ATP8B4: variants seen among roughly 807,000 people sequenced by gnomAD.
ATP8B4 encodes the protein ATPase phospholipid transporting 8B4 (putative).
Under a neutral mutation model 145.6 loss-of-function variants are expected in ATP8B4, and 133 were observed. The observed-to-expected ratio is 0.91, with a 90% CI of 0.79 to 1.05. The LOEUF (loss-of-function observed/expected upper bound fraction) is 1.05. ATP8B4 is among the 50% of genes least tolerant of loss of function. The pLI, the probability that ATP8B4 is intolerant of heterozygous loss-of-function variation, is 0.00. For synonymous variants in ATP8B4, 507 were observed against 492.9 expected, an observed-to-expected ratio of 1.03 and a Z score of -0.38; for missense variants, 1,458 against 1,425.2, an observed-to-expected ratio of 1.02 and a Z score of -0.37.
At chr15:49,890,904 T>A (rs1222747759) in intron 23 of ATP8B4, among the ~76,000 whole-genome samples, 1 of 152,206 alleles carries the variant, frequency 6.6e-6, no homozygotes, top group African/African-American at 2.4e-5. Flanking sequence ...GTTTCCAGCT[T>A]TACAGTGGTA....
At chr15:50,007,296 C>G (rs1039359323) in intron 7 of ATP8B4, among the ~76,000 whole-genome samples, 2 of 152,160 alleles carry the variant, frequency 1.3e-5, no homozygotes, top group South Asian at 2.1e-4. Flanking sequence ...CACTTGGCTT[C>G]CAGCATCCAA....
At chr15:50,047,921 T>A (rs2051849816) in intron 3 of ATP8B4, among the ~76,000 whole-genome samples, 1 of 152,220 alleles carries the variant, frequency 6.6e-6, no homozygotes, top group Admixed American at 6.5e-5. Context: ...GGAAACTGAC[T>A]GCCTCGCAAG....
At chr15:49,928,730 A>G (rs890896690) in intron 16 of ATP8B4, among the ~76,000 whole-genome samples, 2 of 152,122 alleles carry the variant, frequency 1.3e-5, no homozygotes, top group African/African-American at 4.8e-5. Context: ...AAAAGCTTTC[A>G]TGATTAAAAA....
chr15:50,141,216 C>T (rs2044204343), intron 1 of ATP8B4, among the ~76,000 whole-genome samples: 1 of 152,102 alleles, frequency 6.6e-6, no homozygotes, highest in South Asian at 2.1e-4. Context: ...TCCTGTTTGG[C>T]TGCCCCTACA....
At chr15:49,992,573 C>T (rs1383553421) in intron 9 of ATP8B4, among the ~76,000 whole-genome samples, 1 of 152,148 alleles carries the variant, frequency 6.6e-6, no homozygotes, top group East Asian at 1.9e-4. Context: ...TCAGTTCTGA[C>T]CCTATGTGTC....
At chr15:50,058,642 C>A (rs2052777288) in intron 3 of ATP8B4, among the ~76,000 whole-genome samples, 1 of 152,138 alleles carries the variant, frequency 6.6e-6, no homozygotes, top group Non-Finnish European at 1.5e-5. Context: ...TCTCCTGAAC[C>A]TCTAAGGATC....
rs140487871 is a variant in ATP8B4, at chr15:50,082,839, C to A, written c.29-8654G>T. Among the ~76,000 whole-genome samples the A allele has an allele frequency of 2.0e-3, 300 of 152,294 alleles. 2 individuals are homozygous for A. Among genetic ancestry groups the A allele is most frequent in the Middle Eastern group, 0.017 (5 of 294 alleles). On this transcript the variant is annotated intron_variant, in intron 2 of 27. Coordinates refer to ENST00000284509, the MANE Select transcript of ATP8B4 (RefSeq NM_024837.4). ...TTATTTTATTAATCCTCAGAACAATCCCATTAGGTACATGCTGTTATCAGC... is the reference window on the plus strand; with the variant it reads ...TTATTTTATTAATCCTCAGAACAATACCATTAGGTACATGCTGTTATCAGC...
At chr15:50,046,819 T>G (rs1202226027) in intron 4 of ATP8B4, among the ~76,000 whole-genome samples, 1 of 152,234 alleles carries the variant, frequency 6.6e-6, no homozygotes, top group African/African-American at 2.4e-5. Flanking sequence ...AGGCAAATTT[T>G]AGTTAGGAGA....
At chr15:50,105,100 G>C (rs112144753) in intron 2 of ATP8B4, among the ~76,000 whole-genome samples, 12,646 of 152,056 alleles carry the variant, frequency 0.083, 633 homozygotes, top group Middle Eastern at 0.15. Flanking sequence ...GGACTTGGGG[G>C]AAAGGGTGGC....
intron 23 of ATP8B4, among the ~76,000 whole-genome samples, chr15:49,881,425 A>G (rs1422291466): frequency 2.0e-5 from 3 of 152,208 alleles, no homozygotes; most frequent in Non-Finnish European, 4.4e-5. Flanking sequence ...CTGGCTCACA[A>G]AATTCATGAA....
intron 23 of ATP8B4, 114 bp from the exon 24 acceptor site, chr15:49,879,573 C>A: frequency 3.6e-6 from 3 of 844,278 alleles, no homozygotes; most frequent in Non-Finnish European, 5.5e-6. Flanking sequence ...CTTTTGGAAT[C>A]AGACAAATAT....
At chr15:50,113,534 G>C (rs980229199) in intron 1 of ATP8B4, among the ~76,000 whole-genome samples, 1 of 152,086 alleles carries the variant, frequency 6.6e-6, no homozygotes. Flanking sequence ...ACGTATGGGT[G>C]TGTGTAAAAG....
intron 14 of ATP8B4, among the ~76,000 whole-genome samples, chr15:49,950,927 T>G (rs542182640): frequency 2.6e-5 from 4 of 152,322 alleles, no homozygotes; most frequent in Admixed American, 2.0e-4. Context: ...TTCAAAGAAC[T>G]TCTTGATTTC....
intron 24 of ATP8B4, 39 bp downstream of exon 24, chr15:49,879,337 A>C (rs746271986): frequency 1.3e-6 from 2 of 1,548,412 alleles, no homozygotes; most frequent in African/African-American, 2.8e-5. Flanking sequence ...AAAAGGCATA[A>C]AAGAGAAACT....
At chr15:50,131,019 T>G (rs2057342413) in intron 1 of ATP8B4, among the ~76,000 whole-genome samples, 1 of 147,154 alleles carries the variant, frequency 6.8e-6, no homozygotes, top group Non-Finnish European at 1.5e-5. Context: ...CATGGCACCT[T>G]CTTCACAAGG....
chr15:50,077,412 A>C (rs115720956), intron 2 of ATP8B4, among the ~76,000 whole-genome samples: 2,027 of 152,328 alleles, frequency 0.013, 48 homozygotes, highest in African/African-American at 0.047. Context: ...TTTTGAAGAA[A>C]GCCTAGAGAA....
At position 49,976,090 on chromosome 15, in the gene ATP8B4, C is replaced by T. The variant is rs562027315; in HGVS notation, c.1035-3300G>A. ...GTTTCCCTCCCCAAAAGAGGTATGG[C>T]GCCAATTCATTTTTTAACTATTTGG... On this transcript the variant is annotated intron_variant, in intron 12 of 27. Coordinates refer to ENST00000284509, the MANE Select transcript of ATP8B4 (RefSeq NM_024837.4). 1.2e-4 allele frequency among the ~76,000 whole-genome samples: 19 copies of T among 152,138 alleles called. 1 individual carries two copies. Among genetic ancestry groups the T allele is most frequent in the African/African-American group, 3.9e-4 (16 of 41,516 alleles).
At chr15:49,976,420 CT>C (rs34001484) in intron 12 of ATP8B4, among the ~76,000 whole-genome samples, 80,127 of 151,780 alleles carry the variant, frequency 0.53, 23,710 homozygotes, top group African/African-American at 0.79. Flanking sequence ...TCTTTAGACT[CT>C]AATTTTACCA....
chr15:49,934,701 G>A lies in ATP8B4; in HGVS notation c.1288-519C>T, dbSNP rs928732855. 2.6e-5 allele frequency among the ~76,000 whole-genome samples: 4 copies of A among 152,162 alleles called. No individual in the cohort carries two copies. The South Asian group carries it at 8.3e-4, about 32-fold the overall frequency. ...GGAGTTATTGCACAATAAAATGGCAGACAACACCATATTGTCTTTCTACAA... is the reference window on the plus strand; with the variant it reads ...GGAGTTATTGCACAATAAAATGGCAAACAACACCATATTGTCTTTCTACAA... On this transcript the variant is annotated intron_variant, in intron 14 of 27. Transcript: ENST00000284509.
Sources: allele counts gnomAD v4.1 joint callset (sites outside exome capture counted in the v4.1 genomes callset), GRCh38; gene constraint gnomAD v4.1.1; transcripts MANE v1.5; gene names NCBI Gene and HGNC (gene_info 2026-07-23, HGNC 2026-07-21).